The following TNKS variants were observed in gnomAD, a reference collection of about 807,000 sequenced individuals.
The protein encoded by TNKS is tankyrase.
Under a neutral mutation model 135.8 loss-of-function variants are expected in TNKS, and 72 were observed. That is an observed-to-expected ratio of 0.53 (90% CI 0.44 to 0.64). The LOEUF (loss-of-function observed/expected upper bound fraction) is 0.64. Among genes scored for constraint, TNKS ranks in the 30% least tolerant of loss-of-function variants. TNKS has a pLI of 0.00. For synonymous variants in TNKS, 849 were observed against 649.3 expected, an observed-to-expected ratio of 1.31 and a Z score of -4.68; for missense variants, 1,769 against 1,674.0, an observed-to-expected ratio of 1.06 and a Z score of -0.99.
At chr8:9,627,488 C>T (rs1228384181) in intron 3 of TNKS, among the ~76,000 whole-genome samples, 1 of 152,078 alleles carries the variant, frequency 6.6e-6, no homozygotes, top group Non-Finnish European at 1.5e-5. Flanking sequence ...ATGCTGTCTC[C>T]AGGTAGTGTC....
chr8:9,654,523 A>C (rs1304469983), intron 3 of TNKS, among the ~76,000 whole-genome samples: 1 of 152,218 alleles, frequency 6.6e-6, no homozygotes, highest in Non-Finnish European at 1.5e-5. Context: ...AATGTTTTTC[A>C]CTTCATTGCA....
In TNKS at chr8:9,556,085, C is replaced by T. The variant is rs763500207; in HGVS notation, c.146C>T (p.Thr49Met). ...CCGGGGACCACCCCAGCCTCTCCCA[C>T]GGCCAGCGGCCTGGCCCCCTTCGCC... ...LAPGTTPASP[T>M]ASGLAPFASP... Residue 49 changes from threonine to methionine, a missense_variant, in exon 1 of 27, where the codon ACG becomes ATG. Thr to Met is a moderately conservative substitution (Grantham distance 81). Transcript: ENST00000310430. 2 of 1,603,218 alleles carry T rather than the reference C, an allele frequency of 1.2e-6. No homozygotes were observed. The highest frequency in any genetic ancestry group is 1.7e-6 in the Non-Finnish European group (2 of 1,175,766).
chr8:9,725,485 A>AGTTATTCTGT (rs1805119067), intron 12 of TNKS, among the ~76,000 whole-genome samples: 1 of 152,206 alleles, frequency 6.6e-6, no homozygotes, highest in African/African-American at 2.4e-5. Context: ...TTATTCTGTA[A>AGTTATTCTGT]AAGCCACTCT....
At chr8:9,709,670 C>T (rs907817022) in intron 9 of TNKS, among the ~76,000 whole-genome samples, 1 of 152,088 alleles carries the variant, frequency 6.6e-6, no homozygotes, top group Non-Finnish European at 1.5e-5. Context: ...TTATGATGCT[C>T]TCCATGGAAT....
chr8:9,701,161 TCTC>T (rs568385194), intron 5 of TNKS, among the ~76,000 whole-genome samples: 246 of 152,202 alleles, frequency 1.6e-3, no homozygotes, highest in African/African-American at 5.8e-3. Flanking sequence ...ATGGTCTCGA[TCTC>T]CTGACTTCGT....
intron 17 of TNKS, chr8:9,741,839 TCTC>T (rs1805977663): frequency 5.9e-6 from 2 of 340,950 alleles, no homozygotes; most frequent in African/African-American, 4.1e-5. Context: ...ATGCAATCGG[TCTC>T]CTGACCGGAA....
At chr8:9,643,906 G>C (rs1311894624) in intron 3 of TNKS, among the ~76,000 whole-genome samples, 1 of 152,156 alleles carries the variant, frequency 6.6e-6, no homozygotes, top group East Asian at 1.9e-4. Flanking sequence ...TAAATAAAAT[G>C]TGGTATGGAA....
Position 9,710,042 on chromosome 8 carries a change from A to G in TNKS, c.1666A>G (p.Lys556Glu). 6.2e-7 allele frequency: 1 copy of G among 1,613,570 alleles called. No individual in the cohort carries two copies. Among genetic ancestry groups the G allele is most frequent in the Non-Finnish European group, 8.5e-7 (1 of 1,179,474 alleles). ...AGGAGCAAATGTTAATGAAAAAAATAAAGAGTAAGTATAATTGCAGAAGGA... is the reference window on the plus strand; with the variant it reads ...AGGAGCAAATGTTAATGAAAAAAATGAAGAGTAAGTATAATTGCAGAAGGA... ...RKGANVNEKN[K>E]DFMTPLHVAA... The change falls in exon 10 of 27, where the codon AAA becomes GAA. Residue 556 changes from lysine to glutamate, a missense_variant. Coordinates refer to ENST00000310430, the MANE Select transcript of TNKS (RefSeq NM_003747.3).
chr8:9,556,062 G>C lies in TNKS; in HGVS notation c.123G>C (p.Pro41=). The C allele has an allele frequency of 6.2e-7, 1 of 1,607,980 alleles. No individual in the cohort carries two copies. The highest frequency in any genetic ancestry group is 8.5e-7 in the Non-Finnish European group (1 of 1,178,254). The change falls in exon 1 of 27, where the codon CCG becomes CCC. Residue 41 remains proline (P), a synonymous_variant. Transcript: ENST00000310430. The stretch of plus-strand genomic sequence containing the variant: ...CCCCACTCAGCCCTGGCCTGGCCCC[G>C]GGGACCACCCCAGCCTCTCCCACGG... ...PPPPLSPGLA[P]GTTPASPTAS...
intron 3 of TNKS, among the ~76,000 whole-genome samples, chr8:9,639,919 G>A (rs554561199): frequency 7.2e-5 from 11 of 152,030 alleles, no homozygotes; most frequent in Admixed American, 1.3e-4. Context: ...AAGACTAATC[G>A]GGACGGTTCA....
Position 9,634,146 on chromosome 8 carries a change from C to G in TNKS, c.994+18469C>G, listed in dbSNP as rs969583673. Reference sequence around the variant, plus strand: ...CAAAAATAAGCACAAGAAGGATAAACCAGAAAACATTGAAATTGATTACCT... The same window carrying G: ...CAAAAATAAGCACAAGAAGGATAAAGCAGAAAACATTGAAATTGATTACCT... On this transcript the variant is annotated intron_variant, in intron 3 of 26. Coordinates refer to ENST00000310430, the MANE Select transcript of TNKS (RefSeq NM_003747.3). Among the ~76,000 whole-genome samples, 12 of 148,870 alleles carry G rather than the reference C, an allele frequency of 8.1e-5. 1 individual carries two copies. The South Asian group carries it at 2.5e-3, about 32-fold the overall frequency.
intron 3 of TNKS, among the ~76,000 whole-genome samples, chr8:9,627,739 G>C (rs1245227018): frequency 3.3e-5 from 5 of 152,024 alleles, no homozygotes; most frequent in African/African-American, 9.7e-5. Context: ...AATGAATGTA[G>C]CCGGAAAAAA....
chr8:9,722,282 G>A (rs1804925296), intron 12 of TNKS: 1 of 152,124 alleles, frequency 6.6e-6, no homozygotes, highest in Admixed American at 6.6e-5. Context: ...TCTAGGGCTT[G>A]TAGAGATTAT....
In TNKS at chr8:9,734,904, A is replaced by T; in HGVS notation, c.2353A>T (p.Thr785Ser). 6.2e-7 allele frequency: 1 copy of T among 1,614,172 alleles called. No homozygotes were observed. ...DPTKKNRDGNTPLDLVKEGDT... is the reference protein window; with the variant it reads ...DPTKKNRDGNSPLDLVKEGDT... ...AACTAAAAAGAACAGAGATGGAAATACACCTTTGGATTTGGTAAAGGAAGG... is the reference window on the plus strand; with the variant it reads ...AACTAAAAAGAACAGAGATGGAAATTCACCTTTGGATTTGGTAAAGGAAGG... Residue 785 changes from threonine to serine, a missense_variant, in exon 16 of 27, where the codon ACA becomes TCA. By Grantham distance (58) the Thr-to-Ser change is moderately conservative. This residue lies in a region of TNKS where 722 missense variants were observed against 688.9 expected (regional missense o/e 1.05). Coordinates refer to ENST00000310430, the MANE Select transcript of TNKS (RefSeq NM_003747.3).
chr8:9,749,707 C>A (rs1042055098), intron 18 of TNKS, among the ~76,000 whole-genome samples: 1 of 152,082 alleles, frequency 6.6e-6, no homozygotes, highest in Non-Finnish European at 1.5e-5. Flanking sequence ...TCTTGAACTT[C>A]TGGGCTCCTC....
At chr8:9,599,076 G>A (rs1160086078) in intron 2 of TNKS, among the ~76,000 whole-genome samples, 2 of 151,846 alleles carry the variant, frequency 1.3e-5, no homozygotes, top group African/African-American at 4.8e-5. Context: ...AGATTGTAGA[G>A]ATACTTGCTT....
chr8:9,614,763 G>A (rs1344157709), intron 2 of TNKS, among the ~76,000 whole-genome samples: 1 of 152,074 alleles, frequency 6.6e-6, no homozygotes, highest in African/African-American at 2.4e-5. Flanking sequence ...CTCCTCTCCT[G>A]CCCTCTCCAC....
rs1253118515 is a variant in TNKS, at chr8:9,669,415, A to G, written c.995-10536A>G. ...AGTCCGGCCTGCGCGACAGAGCGAG[A>G]CTCCGCCTCAAAAAAAAAAAAAAAA... On this transcript the variant is annotated intron_variant, in intron 3 of 26. Coordinates refer to ENST00000310430, the MANE Select transcript of TNKS (RefSeq NM_003747.3). Among the ~76,000 whole-genome samples the G allele has an allele frequency of 6.0e-5, 7 of 116,898 alleles. No individual in the cohort carries two copies. In the East Asian group the frequency reaches 1.6e-3, roughly 27 times the overall value. 76.7% of individuals were successfully genotyped at this position (116,898 alleles called of 152,430 possible).
At chr8:9,681,042 T>C in intron 5 of TNKS, 1 of 345,828 alleles carries the variant, frequency 2.9e-6, no homozygotes, top group Non-Finnish European at 5.2e-6. Flanking sequence ...ATTTGTTACA[T>C]GAAACTGCAG....
Sources: gnomAD v4.1 joint callset for allele counts (sites outside exome capture counted in the v4.1 genomes callset) on GRCh38, gnomAD v4.1.1 for gene constraint, gnomAD v4.1.1 regional missense constraint, MANE v1.5 for transcripts, NCBI Gene and HGNC (gene_info 2026-07-23, HGNC 2026-07-21) for gene names.